KIAA1217: variants seen among roughly 807,000 people sequenced by gnomAD.
KIAA1217 encodes the protein sickle tail protein homolog.
Under a neutral mutation model 163.9 loss-of-function variants are expected in KIAA1217, and 88 were observed. The observed-to-expected ratio is 0.54, with a 90% CI of 0.45 to 0.64. KIAA1217 has a LOEUF of 0.64. KIAA1217 is among the 30% of genes least tolerant of loss of function. The probability of loss-of-function intolerance (pLI) is 0.00; values close to 1 mark genes in which losing one functional copy is unlikely to be tolerated. For synonymous variants in KIAA1217, 903 were observed against 923.1 expected (o/e 0.98, Z 0.39); for missense variants, 2,372 against 2,475.0 (o/e 0.96, Z 0.88).
chr10:24,335,691 CCT>C (rs2046277531), intron 2 of KIAA1217, among the ~76,000 whole-genome samples: 1 of 151,604 alleles, frequency 6.6e-6, no homozygotes, highest in Non-Finnish European at 1.5e-5. Flanking sequence ...CTCACTGCAA[CCT>C]CTGACTCCTG....
intron 2 of KIAA1217, among the ~76,000 whole-genome samples, chr10:24,239,694 TG>T (rs2072806029): frequency 2.1e-5 from 3 of 140,766 alleles, no homozygotes; most frequent in African/African-American, 7.8e-5. Context: ...TGTGTGTGTG[TG>T]TTTGTGTGTG....
rs2056526702 is a variant in KIAA1217, at chr10:24,401,526, A to T, written c.553+20459A>T. On this transcript the variant is annotated intron_variant, in intron 3 of 20. Transcript: ENST00000376454. ...GTTAATTGACAGTTAAAAATATTTGATAAAATCTAACAACAATTCATGATT... is the reference window on the plus strand; with the variant it reads ...GTTAATTGACAGTTAAAAATATTTGTTAAAATCTAACAACAATTCATGATT... Among the ~76,000 whole-genome samples the T allele has an allele frequency of 1.3e-5, 2 of 152,206 alleles. 1 individual carries two copies. Among genetic ancestry groups the T allele is most frequent in the South Asian group, 4.1e-4 (2 of 4,834 alleles).
At chr10:23,772,418 A>T (rs1834837538) in intron 1 of KIAA1217, among the ~76,000 whole-genome samples, 1 of 152,214 alleles carries the variant, frequency 6.6e-6, no homozygotes, top group African/African-American at 2.4e-5. Flanking sequence ...TGAAATGGAA[A>T]GGTAATAATA....
In KIAA1217 at chr10:24,159,062, A is replaced by C. The variant is rs143231584; in HGVS notation, c.-170-60564A>C. ...CAACACAGAAAACTCAGCATTGATT[A>C]TTGTAAATTAAGTAACTGAAATTCT... On this transcript the variant is annotated intron_variant, in intron 2 of 18. Coordinates refer to the KIAA1217 transcript ENST00000376462. Among the ~76,000 whole-genome samples the C allele has an allele frequency of 3.9e-5, 6 of 152,342 alleles. No homozygotes were observed. The East Asian group carries it at 1.2e-3, about 29-fold the overall frequency.
chr10:24,209,028 C>T (rs1436765099), upstream of KIAA1217: 4 of 605,656 alleles, frequency 6.6e-6, no homozygotes, highest in South Asian at 2.0e-5. Flanking sequence ...GCAGTTTTCT[C>T]GGGCGAGGGA....
At chr10:24,014,051 A>G (rs1847369798) in intron 2 of KIAA1217, among the ~76,000 whole-genome samples, 1 of 152,158 alleles carries the variant, frequency 6.6e-6, no homozygotes, top group Non-Finnish European at 1.5e-5. Flanking sequence ...GACAGGCAGT[A>G]GGTGAGATAC....
chr10:24,095,084 G>T (rs543434080), intron 2 of KIAA1217, among the ~76,000 whole-genome samples: 1 of 152,188 alleles, frequency 6.6e-6, no homozygotes, highest in Non-Finnish European at 1.5e-5. Flanking sequence ...TAAGCCCGTC[G>T]GAAAAGCGCA....
intron 2 of KIAA1217, among the ~76,000 whole-genome samples, chr10:24,345,830 A>T (rs2133916267): frequency 6.6e-6 from 1 of 152,292 alleles, no homozygotes; most frequent in South Asian, 2.1e-4. Flanking sequence ...CACATAACGT[A>T]AAATTACCAT....
intron 2 of KIAA1217, among the ~76,000 whole-genome samples, chr10:24,012,367 C>T (rs1358592461): frequency 6.6e-6 from 1 of 152,142 alleles, no homozygotes; most frequent in East Asian, 1.9e-4. Flanking sequence ...TCTCTTAAGA[C>T]CTCTAAGCCC....
chr10:23,868,248 C>T (rs1011455417), intron 1 of KIAA1217, among the ~76,000 whole-genome samples: 2 of 152,072 alleles, frequency 1.3e-5, no homozygotes, highest in Admixed American at 1.3e-4. Context: ...ACATGGTTTT[C>T]TTTGCTTCCA....
At chr10:24,426,896 G>T (rs906305007) in intron 3 of KIAA1217, among the ~76,000 whole-genome samples, 5 of 152,090 alleles carry the variant, frequency 3.3e-5, no homozygotes, top group African/African-American at 4.8e-5. Flanking sequence ...AGGAGTTGAG[G>T]TCACATGGTG....
chr10:24,455,462 A>G lies in KIAA1217; in HGVS notation c.846+16983A>G, dbSNP rs147155847. Among the ~76,000 whole-genome samples, 595 of 152,354 alleles carry G rather than the reference A, an allele frequency of 3.9e-3. 3 individuals are homozygous for G. The highest frequency in any genetic ancestry group is 0.014 in the African/African-American group (572 of 41,580). ...AATTAATTTTGCGCATTATTACAAG[A>G]TAAATGTTTTTCTATCAAGAACCAT... On this transcript the variant is annotated intron_variant, in intron 5 of 20. Coordinates refer to ENST00000376454, the MANE Select transcript of KIAA1217 (RefSeq NM_019590.5).
chr10:24,350,000 A>C (rs1437531391), intron 2 of KIAA1217, among the ~76,000 whole-genome samples: 2 of 152,192 alleles, frequency 1.3e-5, no homozygotes, highest in African/African-American at 2.4e-5. Flanking sequence ...GGAGGGAAAG[A>C]CAGGTAAAAG....
At chr10:24,436,757 CAAAAAAAAAAAAAAAAA>C (rs10560676) in intron 4 of KIAA1217, among the ~76,000 whole-genome samples, 2 of 70,876 alleles carry the variant, frequency 2.8e-5, no homozygotes, top group Non-Finnish European at 4.8e-5. Context: ...GACTCCGTCT[CAAAAAAAAAAAAAAAAA>C]AAAAAAAAAA....
At chr10:24,475,314 C>G (rs1445466249) in intron 6 of KIAA1217, among the ~76,000 whole-genome samples, 1 of 152,184 alleles carries the variant, frequency 6.6e-6, no homozygotes, top group Non-Finnish European at 1.5e-5. Context: ...ATATCACTTA[C>G]TATTATATAC....
intron 2 of KIAA1217, among the ~76,000 whole-genome samples, chr10:24,079,823 G>GAAACACTGGTGTAACAGTTTC (rs2061484230): frequency 6.6e-6 from 1 of 152,164 alleles, no homozygotes; most frequent in African/African-American, 2.4e-5. Context: ...CAACTGAATT[G>GAAACACTGGTGTAACAGTTTC]AAACACTGGT....
At chr10:23,734,005 T>C (rs1369243793) in intron 1 of KIAA1217, among the ~76,000 whole-genome samples, 1 of 152,190 alleles carries the variant, frequency 6.6e-6, no homozygotes, top group East Asian at 1.9e-4. Context: ...CATTTTTTCT[T>C]TCATATGTTT....
intron 1 of KIAA1217, among the ~76,000 whole-genome samples, chr10:23,787,455 A>C (rs921405131): frequency 1.3e-5 from 2 of 152,136 alleles, no homozygotes; most frequent in Non-Finnish European, 2.9e-5. Flanking sequence ...TGGTAAACAC[A>C]GGGTTCTTCA....
intron 1 of KIAA1217, among the ~76,000 whole-genome samples, chr10:23,696,231 T>G (rs1836028863): frequency 6.6e-6 from 1 of 152,250 alleles, no homozygotes; most frequent in Non-Finnish European, 1.5e-5. Context: ...GCCCTCGTCC[T>G]AGGGTCAGAG....
Sources: allele counts gnomAD v4.1 joint callset (sites outside exome capture counted in the v4.1 genomes callset), GRCh38; gene constraint gnomAD v4.1.1; transcripts MANE v1.5; gene names NCBI Gene and HGNC (gene_info 2026-07-23, HGNC 2026-07-21).